Variants in TRIM37 observed in about 807,000 individuals in gnomAD.
The protein encoded by TRIM37 is tripartite motif containing 37, also known as E3 ubiquitin-protein ligase TRIM37.
A neutral mutation model predicts 129.8 loss-of-function variants in TRIM37; 80 were observed. That is an observed-to-expected ratio of 0.62 (90% CI 0.51 to 0.74). TRIM37 has a LOEUF of 0.74. Ranked by LOEUF, TRIM37 falls within the 30% of genes least tolerant of loss-of-function variation. The pLI is 0.00. For synonymous variants in TRIM37, 389 were observed against 387.1 expected, an observed-to-expected ratio of 1.00 and a Z score of -0.06; for missense variants, 1,054 against 1,176.5, an observed-to-expected ratio of 0.90 and a Z score of 1.52.
intron 17 of TRIM37, among the ~76,000 whole-genome samples, chr17:59,040,051 A>G (rs1220810644): frequency 6.6e-6 from 1 of 151,936 alleles, no homozygotes; most frequent in Non-Finnish European, 1.5e-5. Flanking sequence ...GCAGCAATTT[A>G]GCCACCACAT....
chr17:59,024,070 C>T (rs1242289633), intron 19 of TRIM37, among the ~76,000 whole-genome samples: 2 of 151,728 alleles, frequency 1.3e-5, no homozygotes, highest in African/African-American at 2.4e-5. Context: ...AAAAACTAGC[C>T]GGGCGTGGTG....
At chr17:59,016,029 T>G (rs912232164) in intron 20 of TRIM37, among the ~76,000 whole-genome samples, 1 of 151,784 alleles carries the variant, frequency 6.6e-6, no homozygotes, top group African/African-American at 2.4e-5. Flanking sequence ...AAAAGGCAAA[T>G]AAACATGAAA....
chr17:59,066,633 G>A (rs573499763), intron 9 of TRIM37, among the ~76,000 whole-genome samples: 1 of 152,258 alleles, frequency 6.6e-6, no homozygotes, highest in South Asian at 2.1e-4. Flanking sequence ...CACTTGCTAG[G>A]AGAAAATGAC....
At position 59,028,425 on chromosome 17, in the gene TRIM37, G is replaced by T; in HGVS notation, c.2247C>A (p.Tyr749Ter). The stretch of plus-strand genomic sequence containing the variant: ...GAACATATTACTTACAGTTTCGTAT[G>T]TAACAATTGGCAACTGATGACTTTG... ...LLAKSSVANCYIRNSTNKKSN... is the reference protein window; with the variant it reads ...LLAKSSVANC The change falls in exon 19 of 24, where the codon TAC (tyrosine) becomes TAA (stop). Residue 749 changes from tyrosine to a stop codon, truncating the protein, a stop_gained. Transcript: ENST00000262294. LOFTEE classifies it high-confidence loss of function. 6.2e-7 allele frequency: 1 copy of T among 1,612,438 alleles called. No individual in the cohort carries two copies. Among genetic ancestry groups the T allele is most frequent in the Non-Finnish European group, 8.5e-7 (1 of 1,179,996 alleles).
intron 5 of TRIM37, among the ~76,000 whole-genome samples, chr17:59,083,375 T>G (rs1599440069): frequency 6.6e-6 from 1 of 150,640 alleles, no homozygotes; most frequent in Admixed American, 6.6e-5. Flanking sequence ...GAGGCGGAGG[T>G]TGCAGTGAGC....
chr17:59,064,343 A>G lies in TRIM37; in HGVS notation c.860+12T>C. ...CACATACAAAAAAACCAGAATTGTCAAAAACTCTTACCTGAAATTCTCTAA... is the reference window on the plus strand; with the variant it reads ...CACATACAAAAAAACCAGAATTGTCGAAAACTCTTACCTGAAATTCTCTAA... On this transcript the variant is annotated intron_variant, in intron 10 of 23. Transcript: ENST00000262294. 1.3e-6 allele frequency: 2 copies of G among 1,594,072 alleles called. No individual in the cohort carries two copies. The highest frequency in any genetic ancestry group is 1.1e-5 in the South Asian group (1 of 88,434).
intron 17 of TRIM37, 137 bp downstream of exon 17, chr17:59,041,676 C>T: frequency 1.5e-6 from 1 of 646,466 alleles, no homozygotes. Context: ...CTAAAAAATC[C>T]ATATTATAAG....
chr17:58,984,646 G>A (rs1455166312), intron 24 of TRIM37: 1 of 152,558 alleles, frequency 6.6e-6, no homozygotes, highest in African/African-American at 2.4e-5. Context: ...CTTCTATTCT[G>A]ATCTGCAAAT....
At chr17:59,016,876 G>T (rs940607055) in intron 20 of TRIM37, among the ~76,000 whole-genome samples, 1 of 152,078 alleles carries the variant, frequency 6.6e-6, no homozygotes, top group African/African-American at 2.4e-5. Flanking sequence ...GTTCTGTTGA[G>T]ATCAAGAAAC....
chr17:58,973,287 G>A, the TRIM37 span, among the ~76,000 whole-genome samples: 1 of 151,720 alleles, frequency 6.6e-6, no homozygotes, highest in Admixed American at 6.6e-5. Flanking sequence ...CGTGGTGGCG[G>A]GCGCCTGTAA....
intron 2 of TRIM37, 95 bp downstream of exon 2, chr17:59,104,198 G>C: frequency 7.9e-7 from 1 of 1,269,938 alleles, no homozygotes; most frequent in Non-Finnish European, 1.1e-6. Context: ...AGCACTTTAG[G>C]GCAAAAAATG....
At chr17:59,008,064 T>C (rs1765587151) in intron 22 of TRIM37, among the ~76,000 whole-genome samples, 1 of 152,228 alleles carries the variant, frequency 6.6e-6, no homozygotes, top group Admixed American at 6.5e-5. Context: ...AGAATAATAC[T>C]GGCAACAGTG....
At position 59,070,924 on chromosome 17, in the gene TRIM37, C is replaced by T. The variant is rs377517117; in HGVS notation, c.708G>A (p.Glu236=). The change falls in exon 9 of 24, where the codon GAG becomes GAA. Residue 236 remains glutamate (E), a synonymous_variant. Coordinates refer to ENST00000262294, the MANE Select transcript of TRIM37 (RefSeq NM_015294.6). ...EHQLRSCSKS[E]LISKSSEILM... ...GGATCTCTGAGCTCTTAGATATCAA[C>T]TCACTCTTACTACAAGACCGCAACT... 4.3e-6 allele frequency: 7 copies of T among 1,613,820 alleles called. No homozygotes were observed. Among genetic ancestry groups the T allele is most frequent in the Non-Finnish European group, 5.9e-6 (7 of 1,179,954 alleles).
At chr17:59,047,077 C>T (rs189978848) in intron 16 of TRIM37, among the ~76,000 whole-genome samples, 5 of 151,348 alleles carry the variant, frequency 3.3e-5, no homozygotes, top group East Asian at 2.0e-4. Flanking sequence ...TGGCGTAATC[C>T]GGAAGGTGGA....
At chr17:59,099,051 C>T (rs955927418) in intron 2 of TRIM37, among the ~76,000 whole-genome samples, 7 of 152,014 alleles carry the variant, frequency 4.6e-5, no homozygotes, top group Admixed American at 6.6e-5. Flanking sequence ...GGTGTACTGG[C>T]GCACACCTGT....
At chr17:59,074,083 C>T (rs1457583971) in intron 8 of TRIM37, among the ~76,000 whole-genome samples, 2 of 152,164 alleles carry the variant, frequency 1.3e-5, no homozygotes, top group Non-Finnish European at 2.9e-5. Flanking sequence ...ATACAACTAG[C>T]AGTGCAGTAT....
intron 22 of TRIM37, among the ~76,000 whole-genome samples, chr17:59,009,442 T>C (rs2034969590): frequency 3.3e-5 from 4 of 122,744 alleles, no homozygotes. Context: ...CAATTTCTTT[T>C]CTTTTTTTTT....
intron 7 of TRIM37, 125 bp from the exon 8 acceptor site, chr17:59,075,839 G>C (rs2042770735): frequency 1.4e-6 from 1 of 723,788 alleles, no homozygotes; most frequent in Admixed American, 2.3e-5. Context: ...CTTCATTACA[G>C]CTACCCTAAA....
intron 19 of TRIM37, among the ~76,000 whole-genome samples, chr17:59,021,852 G>A (rs918212025): frequency 6.6e-5 from 10 of 151,906 alleles, no homozygotes; most frequent in African/African-American, 2.4e-4. Flanking sequence ...TGCATTGTAA[G>A]CGTGTATCAA....
Sources: allele counts gnomAD v4.1 joint callset (sites outside exome capture counted in the v4.1 genomes callset), GRCh38; gene constraint gnomAD v4.1.1; transcripts MANE v1.5; gene names NCBI Gene and HGNC (gene_info 2026-07-23, HGNC 2026-07-21).